Variants in NEDD1 observed in about 807,000 individuals in gnomAD.
NEDD1 encodes protein NEDD1.
NEDD1 carries 33 observed loss-of-function variants against 74.0 expected under a neutral mutation model. The ratio of observed to expected loss-of-function variants is 0.45; its 90% confidence interval spans 0.34 to 0.60. The LOEUF (loss-of-function observed/expected upper bound fraction) is 0.60. NEDD1 is among the 20% of genes least tolerant of loss of function. The pLI is 0.01. For missense variants in NEDD1, 746 were observed against 776.5 expected, an observed-to-expected ratio of 0.96 and a Z score of 0.47; for synonymous variants, 250 against 264.4, an observed-to-expected ratio of 0.95 and a Z score of 0.53.
At chr12:96,908,257 T>G (rs1873534259) in intron 2 of NEDD1, among the ~76,000 whole-genome samples, 1 of 152,210 alleles carries the variant, frequency 6.6e-6, no homozygotes, top group Non-Finnish European at 1.5e-5. Flanking sequence ...TGAATTACAT[T>G]AACTTTTTGT....
In NEDD1 at chr12:96,943,584, A is replaced by T; in HGVS notation, c.1319A>T (p.Asn440Ile). The T allele has an allele frequency of 6.2e-7, 1 of 1,613,118 alleles. No individual in the cohort carries two copies. The highest frequency in any genetic ancestry group is 8.5e-7 in the Non-Finnish European group (1 of 1,179,248). ...GGCTTTGACTTTCTACCGCAGTTGAACTCAGTGTTTCCTCCAAGAAAAAAT... is the reference window on the plus strand; with the variant it reads ...GGCTTTGACTTTCTACCGCAGTTGATCTCAGTGTTTCCTCCAAGAAAAAAT... ...GDGFDFLPQL[N>I]SVFPPRKNPV... Residue 440 changes from asparagine to isoleucine, a missense_variant, in exon 12 of 16, where the codon AAC becomes ATC. Physicochemically the swap from Asn to Ile is moderately radical, Grantham distance 149. Transcript: ENST00000266742.
rs778043698 is a variant in NEDD1 at position 96,936,793 on chromosome 12, A to G, written c.902A>G (p.Tyr301Cys). ...KTSVQCIAFQ[Y>C]STVLTKSSLN... ...TCTGTGCAGTGTATAGCATTTCAGT[A>G]CTCCACTGTTCTTACTAAGGTGAGA... Residue 301 changes from tyrosine to cysteine, a missense_variant, in exon 8 of 16, where the codon TAC (tyrosine) becomes TGC (cysteine). Physicochemically the swap from Tyr to Cys is radical, Grantham distance 194. Around this residue, in one of 3 missense-constraint regions of NEDD1, gnomAD observed 706 missense variants for 706.7 expected, o/e 1.00. Transcript: ENST00000266742. 2.5e-6 allele frequency: 4 copies of G among 1,605,912 alleles called. No homozygotes were observed. The South Asian group carries it at 4.4e-5, about 18-fold the overall frequency.
At position 96,907,622 on chromosome 12, in the gene NEDD1, C is replaced by T. The variant is rs1262719899; in HGVS notation, c.-243C>T. 5.8e-6 allele frequency: 9 copies of T among 1,551,266 alleles called. No individual in the cohort carries two copies. Among genetic ancestry groups the T allele is most frequent in the Non-Finnish European group, 7.0e-6 (8 of 1,146,614 alleles). ...TTGGCAGGTACTTGGATGCATTTTACAGGTTAGCCTCACTTGAGCTGTTGT... is the reference window on the plus strand; with the variant it reads ...TTGGCAGGTACTTGGATGCATTTTATAGGTTAGCCTCACTTGAGCTGTTGT... On this transcript the variant is annotated 5_prime_UTR_variant, in exon 2 of 16. Transcript: ENST00000266742.
chr12:96,941,030 A>G (rs1236160579), intron 10 of NEDD1, among the ~76,000 whole-genome samples: 2 of 152,068 alleles, frequency 1.3e-5, no homozygotes, highest in African/African-American at 4.8e-5. Context: ...AACTAAGTAC[A>G]TTGTTTAGGT....
chr12:96,942,831 A>T (rs924543561), intron 11 of NEDD1, among the ~76,000 whole-genome samples: 1 of 152,034 alleles, frequency 6.6e-6, no homozygotes, highest in African/African-American at 2.4e-5. Context: ...TGTCAACCAG[A>T]GCTTCATTCA....
chr12:96,929,310 T>G (rs1310347507), intron 6 of NEDD1, among the ~76,000 whole-genome samples: 1 of 151,134 alleles, frequency 6.6e-6, no homozygotes, highest in Non-Finnish European at 1.5e-5. Flanking sequence ...TTCTGACATC[T>G]CTTTTCTGAG....
chr12:96,930,211 A>ACTCTCTCTCTCTCT (rs143562580), intron 6 of NEDD1, among the ~76,000 whole-genome samples: 1 of 89,240 alleles, frequency 1.1e-5, no homozygotes, highest in Admixed American at 1.2e-4. Flanking sequence ...ACACACACAC[A>ACTCTCTCTCTCTCT]CTCTCTCTCT....
At chr12:96,913,454 A>C (rs925621097) in intron 4 of NEDD1, among the ~76,000 whole-genome samples, 4 of 149,872 alleles carry the variant, frequency 2.7e-5, no homozygotes, top group Non-Finnish European at 3.0e-5. Flanking sequence ...GCTCACTGCA[A>C]CCTCCGCCTC....
chr12:96,922,797 C>T (rs1875244933), intron 6 of NEDD1, among the ~76,000 whole-genome samples: 1 of 152,096 alleles, frequency 6.6e-6, no homozygotes, highest in Admixed American at 6.6e-5. Flanking sequence ...TTGTCTTTTC[C>T]AGTCACTACC....
intron 6 of NEDD1, among the ~76,000 whole-genome samples, chr12:96,923,669 G>A (rs79923927): frequency 0.15 from 22,623 of 152,050 alleles, 1,985 homozygotes; most frequent in Middle Eastern, 0.26. Flanking sequence ...TGGGTTATTC[G>A]TGTTTTTAAA....
chr12:96,926,186 T>G (rs1367743638), intron 6 of NEDD1, among the ~76,000 whole-genome samples: 1 of 152,218 alleles, frequency 6.6e-6, no homozygotes, highest in Non-Finnish European at 1.5e-5. Flanking sequence ...TAAAATGGTT[T>G]GAGCATCTTT....
chr12:96,934,506 T>C (rs942325593), intron 6 of NEDD1, among the ~76,000 whole-genome samples: 1 of 151,858 alleles, frequency 6.6e-6, no homozygotes, highest in Non-Finnish European at 1.5e-5. Context: ...CTTTTCTTTT[T>C]TTTTTTTAAG....
intron 3 of NEDD1, among the ~76,000 whole-genome samples, chr12:96,911,455 G>T (rs941677511): frequency 3.9e-5 from 6 of 152,168 alleles, no homozygotes; most frequent in African/African-American, 1.4e-4. Flanking sequence ...ATAAGGCTTT[G>T]ATCACTTCCA....
chr12:96,919,689 G>A (rs936222335), intron 5 of NEDD1, among the ~76,000 whole-genome samples: 1 of 152,084 alleles, frequency 6.6e-6, no homozygotes, highest in East Asian at 1.9e-4. Flanking sequence ...CCATTTTCAT[G>A]TTAAAGCAGA....
intron 3 of NEDD1, among the ~76,000 whole-genome samples, chr12:96,910,702 C>A (rs1437174095): frequency 6.6e-6 from 1 of 152,148 alleles, no homozygotes; most frequent in Non-Finnish European, 1.5e-5. Flanking sequence ...CAAAACGTTT[C>A]CAGAATTGCC....
chr12:96,922,925 G>A (rs564130100), intron 6 of NEDD1, among the ~76,000 whole-genome samples: 2 of 151,972 alleles, frequency 1.3e-5, no homozygotes, highest in South Asian at 4.2e-4. Context: ...GACCACCTTG[G>A]GCAATGTGGC....
At chr12:96,931,423 G>GTGAGAGCAGTTGCAATA (rs1876455850) in intron 6 of NEDD1, among the ~76,000 whole-genome samples, 1 of 152,170 alleles carries the variant, frequency 6.6e-6, no homozygotes, top group African/African-American at 2.4e-5. Flanking sequence ...CAGTTGCAAT[G>GTGAGAGCAGTTGCAATA]TAAGAGCAGT....
intron 14 of NEDD1, among the ~76,000 whole-genome samples, chr12:96,949,205 T>C (rs998788356): frequency 3.3e-5 from 5 of 152,220 alleles, no homozygotes; most frequent in African/African-American, 4.8e-5. Flanking sequence ...TAGTAGTCTT[T>C]CGTTTGCAAG....
At chr12:96,922,499 T>G (rs1182512428) in intron 6 of NEDD1, among the ~76,000 whole-genome samples, 1 of 152,212 alleles carries the variant, frequency 6.6e-6, no homozygotes. Context: ...ATGTATATTC[T>G]TATACTTCAA....
Sources: gnomAD v4.1 joint callset for allele counts (sites outside exome capture counted in the v4.1 genomes callset) on GRCh38, gnomAD v4.1.1 for gene constraint, gnomAD v4.1.1 regional missense constraint, MANE v1.5 for transcripts, NCBI Gene and HGNC (gene_info 2026-07-23, HGNC 2026-07-21) for gene names.